MLH3: variants seen among roughly 807,000 people sequenced by gnomAD.
MLH3 encodes mutL homolog 3, also known as DNA mismatch repair protein Mlh3.
MLH3 carries 82 observed loss-of-function variants against 122.2 expected under a neutral mutation model. The observed-to-expected ratio is 0.67, with a 90% CI of 0.56 to 0.81. The LOEUF is 0.81. Ranked by LOEUF, MLH3 falls within the 30% of genes least tolerant of loss-of-function variation. The probability of loss-of-function intolerance (pLI) is 0.00; values close to 1 mark genes in which losing one functional copy is unlikely to be tolerated. For synonymous variants in MLH3, 524 were observed against 599.5 expected (o/e 0.87, Z 1.84); for missense variants, 1,539 against 1,714.5 (o/e 0.90, Z 1.81).
intron 9 of MLH3, 78 bp downstream of exon 9, chr14:75,030,465 G>T (rs1890969394): frequency 7.2e-7 from 1 of 1,388,406 alleles, no homozygotes; most frequent in Non-Finnish European, 1.0e-6. Flanking sequence ...AAGAAAAGAT[G>T]AATTCAGAGA....
chr14:75,027,411 C>T (rs1181724636), intron 9 of MLH3, among the ~76,000 whole-genome samples: 1 of 151,538 alleles, frequency 6.6e-6, no homozygotes, highest in African/African-American at 2.4e-5. Flanking sequence ...AAGTACCTGC[C>T]ACCATGCCCA....
Position 75,047,448 on chromosome 14 carries a change from G to T in MLH3, c.2208C>A (p.Phe736Leu), listed in dbSNP as rs1339164188. The change falls in exon 2 of 13, where the codon TTC becomes TTA. Residue 736 changes from phenylalanine to leucine, a missense_variant. Physicochemically the swap from Phe to Leu is conservative, Grantham distance 22. Coordinates refer to ENST00000355774, the MANE Select transcript of MLH3 (RefSeq NM_001040108.2). ...GCTTCTTACGGACGATTGGTTTGGA[G>T]AAACCAATTAATTTATCTGTTTTCC... ...DSRKTDKLIG[F>L]SKPIVRKKLS... is the part of the protein sequence containing the mutation. 6.2e-7 allele frequency: 1 copy of T among 1,614,040 alleles called. No individual in the cohort carries two copies. Among genetic ancestry groups the T allele is most frequent in the Admixed American group, 1.7e-5 (1 of 60,028 alleles).
At chr14:75,026,085 C>T (rs1439311331) in intron 9 of MLH3, among the ~76,000 whole-genome samples, 1 of 152,210 alleles carries the variant, frequency 6.6e-6, no homozygotes, top group Non-Finnish European at 1.5e-5. Flanking sequence ...GTCAGCTGCT[C>T]TCCCTGACTC....
At position 75,039,288 on chromosome 14, in the gene MLH3, C is replaced by A. The variant is rs199670946; in HGVS notation, c.3570+623G>T. ...ACTGCCCCAGGGTCTATTTCTGGAT[C>A]AACTGCTTGCCTGCTCTGGTACCAG... On this transcript the variant is annotated intron_variant, in intron 5 of 12. Coordinates refer to ENST00000355774, the MANE Select transcript of MLH3 (RefSeq NM_001040108.2). Among the ~76,000 whole-genome samples the A allele has an allele frequency of 2.0e-5, 3 of 152,116 alleles. No homozygotes were observed. In the East Asian group the frequency reaches 5.8e-4, roughly 29 times the overall value.
chr14:75,023,116 C>T (rs1890400253), intron 9 of MLH3, 98 bp from the exon 10 acceptor site: 49 of 1,367,176 alleles, frequency 3.6e-5, no homozygotes, highest in South Asian at 1.8e-4. Flanking sequence ...TTAAATCATG[C>T]CTCCTGAAAG....
rs17102999 is a variant in MLH3, at chr14:75,046,831, G to A, written c.2825C>T (p.Thr942Ile). 7,665 of 1,614,108 alleles carry A rather than the reference G, an allele frequency of 4.7e-3. 208 individuals are homozygous for A. In the East Asian group the frequency reaches 0.054, roughly 11 times the overall value. The change falls in exon 2 of 13, where the codon ACA becomes ATA. Residue 942 changes from threonine to isoleucine, a missense_variant. By Grantham distance (89) the Thr-to-Ile change is moderately conservative. Transcript: ENST00000355774. ...NGVIPTSDSA[T>I]QDNSFNKNSK... ...ATTTTTATTAAAGGAATTATCCTGT[G>A]TGGCAGAATCTGATGTTGGGATGAC...
chr14:75,040,564 T>C (rs1018664825), intron 4 of MLH3, among the ~76,000 whole-genome samples: 1 of 151,256 alleles, frequency 6.6e-6, no homozygotes, highest in Non-Finnish European at 1.5e-5. Flanking sequence ...CAAAAAAAAT[T>C]GTTTCACAAC....
At chr14:75,022,475 C>T (rs557631215) in intron 11 of MLH3, among the ~76,000 whole-genome samples, 2 of 152,158 alleles carry the variant, frequency 1.3e-5, no homozygotes, top group Non-Finnish European at 1.5e-5. Flanking sequence ...TCTGTTCTGC[C>T]TCTCTGCACA....
chr14:75,037,342 C>T (rs1233735459), intron 6 of MLH3, among the ~76,000 whole-genome samples: 2 of 152,208 alleles, frequency 1.3e-5, no homozygotes, highest in African/African-American at 2.4e-5. Flanking sequence ...CATCTTGTAT[C>T]TCTTTCTCCA....
Position 75,039,670 on chromosome 14 carries a change from A to T in MLH3, c.3570+241T>A, listed in dbSNP as rs2139466539. Among the ~76,000 whole-genome samples, 3 of 151,842 alleles carry T rather than the reference A, an allele frequency of 2.0e-5. No individual in the cohort carries two copies. In the Middle Eastern group the frequency reaches 0.01, roughly 516 times the overall value. On this transcript the variant is annotated intron_variant, in intron 5 of 12. Coordinates refer to ENST00000355774, the MANE Select transcript of MLH3 (RefSeq NM_001040108.2). ...CCTGAATCCATAATTCATTCCCTCC[A>T]AACCTACTTACACTACTAAAGATAT...
intron 8 of MLH3, 71 bp downstream of exon 8, chr14:75,031,987 GAACAATAGTT>G: frequency 1.0e-6 from 1 of 965,436 alleles, no homozygotes; most frequent in Admixed American, 1.8e-5. Flanking sequence ...CTGAGAAATG[GAACAATAGTT>G]ATGCTTATTC....
intron 4 of MLH3, among the ~76,000 whole-genome samples, chr14:75,041,243 A>G (rs1292666499): frequency 2.6e-5 from 4 of 152,030 alleles, no homozygotes; most frequent in African/African-American, 4.8e-5. Flanking sequence ...TTGAAACTCA[A>G]AGTTTAAAAT....
intron 9 of MLH3, among the ~76,000 whole-genome samples, chr14:75,025,027 G>A (rs1245032695): frequency 1.3e-5 from 2 of 152,120 alleles, no homozygotes; most frequent in Non-Finnish European, 2.9e-5. Flanking sequence ...TTCTGGAAAG[G>A]GCAAAGCCAA....
At chr14:75,042,736 G>T (rs1430729724) in intron 2 of MLH3, among the ~76,000 whole-genome samples, 1 of 151,596 alleles carries the variant, frequency 6.6e-6, no homozygotes, top group Admixed American at 6.6e-5. Context: ...TTCTCACTGG[G>T]GGGCAATTTT....
At position 75,047,267 on chromosome 14, in the gene MLH3, G is replaced by A. The variant is rs954634089; in HGVS notation, c.2389C>T (p.Arg797Cys). ...EPDILLKDKN[R>C]LENSDVCKIT... ...TTACAAACATCAGAGTTCTCTAAGCGGTTCTTGTCCTTCAGCAGAATGTCA... is the reference window on the plus strand; with the variant it reads ...TTACAAACATCAGAGTTCTCTAAGCAGTTCTTGTCCTTCAGCAGAATGTCA... Residue 797 changes from arginine to cysteine, a missense_variant, in exon 2 of 13, where the codon CGC (arginine) becomes TGC (cysteine). Coordinates refer to ENST00000355774, the MANE Select transcript of MLH3 (RefSeq NM_001040108.2). 10 of 1,613,990 alleles carry A rather than the reference G, an allele frequency of 6.2e-6. No homozygotes were observed. The highest frequency in any genetic ancestry group is 2.2e-5 in the East Asian group (1 of 44,880).
chr14:75,048,410 T>C lies in MLH3; in HGVS notation c.1246A>G (p.Thr416Ala), dbSNP rs1892420307. ...LQSKAVKRKT[T>A]AENVNTQSSR... ...CTCTGTGTGTTTACGTTTTCTGCAG[T>C]AGTTTTTCTTTTCACAGCTTTTGAC... Residue 416 changes from threonine (T) to alanine (A), a missense_variant, in exon 2 of 13, where the codon ACT becomes GCT. Coordinates refer to ENST00000355774, the MANE Select transcript of MLH3 (RefSeq NM_001040108.2). 4 of 1,607,922 alleles carry C rather than the reference T, an allele frequency of 2.5e-6. No individual in the cohort carries two copies. The highest frequency in any genetic ancestry group is 2.7e-5 in the African/African-American group (2 of 74,452).
rs566717762 is a variant in MLH3, at chr14:75,040,695, T to C, written c.3466-680A>G. Among the ~76,000 whole-genome samples, 14 of 152,188 alleles carry C rather than the reference T, an allele frequency of 9.2e-5. No homozygotes were observed. The South Asian group carries it at 2.9e-3, about 32-fold the overall frequency. The stretch of plus-strand genomic sequence containing the variant: ...ACATGCACAGTACATTCTGTGAAAA[T>C]ACACTGAGGAGAGAACATCCATGCG... On this transcript the variant is annotated intron_variant, in intron 4 of 12. Transcript: ENST00000355774.
intron 9 of MLH3, among the ~76,000 whole-genome samples, chr14:75,023,507 C>T (rs914056215): frequency 3.9e-5 from 6 of 152,200 alleles, no homozygotes; most frequent in Non-Finnish European, 7.3e-5. Flanking sequence ...TTAGTTCCCA[C>T]GGGCTTTTTG....
rs1344858819 is a variant in MLH3, at chr14:75,014,427, A to G, written c.*2655T>C. On this transcript the variant is annotated 3_prime_UTR_variant, in exon 13 of 13. Coordinates refer to ENST00000355774, the MANE Select transcript of MLH3 (RefSeq NM_001040108.2). ...ATGCTTTGCCTTAAGCTTTTCTGATACTAGCTCCTATTACCATCTCTAGTC... is the reference window on the plus strand; with the variant it reads ...ATGCTTTGCCTTAAGCTTTTCTGATGCTAGCTCCTATTACCATCTCTAGTC... 1 of 181,526 alleles carries G rather than the reference A, an allele frequency of 5.5e-6. No individual in the cohort carries two copies. Among genetic ancestry groups the G allele is most frequent in the African/African-American group, 2.4e-5 (1 of 42,464 alleles). 11.2% of individuals were successfully genotyped at this position (181,526 alleles called of 1,614,324 possible). A position where few individuals can be genotyped will look rare whatever the true frequency, so the allele number is the denominator to read the frequency against.
Sources: allele counts gnomAD v4.1 joint callset (sites outside exome capture counted in the v4.1 genomes callset), GRCh38; gene constraint gnomAD v4.1.1; transcripts MANE v1.5; gene names NCBI Gene and HGNC (gene_info 2026-07-23, HGNC 2026-07-21).